The following YAF2 variants were observed in gnomAD, a reference collection of about 807,000 sequenced individuals.
The protein encoded by YAF2 is YY1-associated factor 2.
A neutral mutation model predicts 20.1 loss-of-function variants in YAF2; 7 were observed. The observed-to-expected ratio is 0.35, with a 90% confidence interval of 0.20 to 0.65. The LOEUF (loss-of-function observed/expected upper bound fraction) is 0.65. Among genes scored for constraint, YAF2 ranks in the 30% least tolerant of loss-of-function variants. The pLI is 0.69. For missense variants in YAF2, 151 were observed against 219.2 expected (o/e 0.69, Z 1.96); for synonymous variants, 74 against 76.0 (o/e 0.97, Z 0.14).
chr12:42,224,656 C>T (rs2067632310), intron 2 of YAF2, among the ~76,000 whole-genome samples: 1 of 152,052 alleles, frequency 6.6e-6, no homozygotes, highest in Non-Finnish European at 1.5e-5. Context: ...TGTTAGTGTG[C>T]TGTAAATGAT....
intron 2 of YAF2, among the ~76,000 whole-genome samples, chr12:42,197,375 T>C (rs1028994568): frequency 6.6e-6 from 1 of 152,226 alleles, no homozygotes; most frequent in Admixed American, 6.5e-5. Context: ...ATAGAATGTG[T>C]GATCACAGTG....
At chr12:42,235,682 G>A in intron 2 of YAF2, 37 of 1,529,748 alleles carry the variant, frequency 2.4e-5, no homozygotes, top group Non-Finnish European at 3.1e-5. Flanking sequence ...CAATCCAAAT[G>A]ACAATGCTTC....
At position 42,160,679 on chromosome 12, in the gene YAF2, G is replaced by A. The variant is rs375205559; in HGVS notation, c.453C>T (p.Ser151=). 30 of 1,613,764 alleles carry A rather than the reference G, an allele frequency of 1.9e-5. No homozygotes were observed. Among genetic ancestry groups the A allele is most frequent in the East Asian group, 1.3e-4 (6 of 44,874 alleles). The part of the protein sequence containing the change: ...SAASADQHSQ[S]GSSSDNTERG... ...TCTCTGTGTTATCAGAGCTAGAGCC[G>A]CTTTGACTGTGTTGATCTGCAGAAG... Residue 151 remains serine, a synonymous_variant, in exon 4 of 4, where the codon AGC becomes AGT. Transcript: ENST00000534854.
At chr12:42,198,224 T>A (rs1164209054) in intron 2 of YAF2, among the ~76,000 whole-genome samples, 2 of 152,154 alleles carry the variant, frequency 1.3e-5, no homozygotes, top group Non-Finnish European at 2.9e-5. Flanking sequence ...ATAATTATAA[T>A]CCTACCTACT....
chr12:42,182,137 A>G (rs981877889), intron 2 of YAF2, among the ~76,000 whole-genome samples: 7 of 152,120 alleles, frequency 4.6e-5, no homozygotes, highest in Non-Finnish European at 1.0e-4. Context: ...AGAAGGTTAA[A>G]ACTACAAAAG....
chr12:42,203,848 C>T (rs2066966229), intron 2 of YAF2, among the ~76,000 whole-genome samples: 1 of 152,038 alleles, frequency 6.6e-6, no homozygotes, highest in Non-Finnish European at 1.5e-5. Flanking sequence ...TTTTTCTGTT[C>T]TCTGAGTCAA....
At chr12:42,227,809 C>G (rs1292716942) in intron 2 of YAF2, among the ~76,000 whole-genome samples, 1 of 147,138 alleles carries the variant, frequency 6.8e-6, no homozygotes, top group East Asian at 2.1e-4. Context: ...GGGGTCAGCC[C>G]CCCGCCTGGC....
At chr12:42,195,424 A>G (rs569677340) in intron 2 of YAF2, among the ~76,000 whole-genome samples, 9 of 152,362 alleles carry the variant, frequency 5.9e-5, no homozygotes, top group Admixed American at 5.9e-4. Flanking sequence ...TCTAAAAAGT[A>G]TTACCAGAAT....
chr12:42,195,725 G>T (rs1183403616), intron 2 of YAF2, among the ~76,000 whole-genome samples: 1 of 152,222 alleles, frequency 6.6e-6, no homozygotes, highest in Admixed American at 6.5e-5. Context: ...ACACTGTAGA[G>T]AATAGACCAT....
At chr12:42,236,025 G>C (rs751751815) in intron 2 of YAF2, 1 of 1,534,448 alleles carries the variant, frequency 6.5e-7, no homozygotes, top group South Asian at 1.2e-5. Context: ...GGCTCTTCTA[G>C]TTTCAGTATT....
Position 42,157,823 on chromosome 12 carries a change from C to T in YAF2, c.*2766G>A, listed in dbSNP as rs1465109058. The T allele has an allele frequency of 1.3e-5, 2 of 151,680 alleles. No individual in the cohort carries two copies. The highest frequency in any genetic ancestry group is 2.9e-5 in the Non-Finnish European group (2 of 67,938). 9.4% of individuals were successfully genotyped at this position (151,680 alleles called of 1,614,324 possible). A position where few individuals can be genotyped will look rare whatever the true frequency, so the allele number is the denominator to read the frequency against. On this transcript the variant is annotated 3_prime_UTR_variant, in exon 4 of 4. Coordinates refer to ENST00000534854, the MANE Select transcript of YAF2 (RefSeq NM_005748.6). ...ATTCAAATTTTTTCATAGAGATGAG[C>T]TTTCACCATGTTGCCCAGGCTGGTC...
intron 2 of YAF2, among the ~76,000 whole-genome samples, chr12:42,164,907 A>C (rs1191198091): frequency 6.6e-6 from 1 of 151,518 alleles, no homozygotes; most frequent in Non-Finnish European, 1.5e-5. Flanking sequence ...CCATCTCTAC[A>C]AAAAAAATAC....
chr12:42,238,242 G>C lies in YAF2; in HGVS notation c.-62C>G. On this transcript the variant is annotated 5_prime_UTR_variant, in exon 1 of 4. Transcript: ENST00000534854. ...CGACCGCTCTGTTTGTCAATAAGGA[G>C]GATAATAAGCCGGGCGGAAGCGGGC... is the stretch of plus-strand genomic sequence containing the variant. The C allele has an allele frequency of 8.5e-7, 1 of 1,175,530 alleles. No homozygotes were observed. Among genetic ancestry groups the C allele is most frequent in the Non-Finnish European group, 1.1e-6 (1 of 907,444 alleles). 72.8% of individuals were successfully genotyped at this position (1,175,530 alleles called of 1,614,324 possible).
chr12:42,170,426 A>G (rs2066017393), intron 2 of YAF2, among the ~76,000 whole-genome samples: 1 of 152,228 alleles, frequency 6.6e-6, no homozygotes, highest in Non-Finnish European at 1.5e-5. Flanking sequence ...TAATGATAAC[A>G]AAGAATACTT....
rs753594303 is a variant in YAF2, at chr12:42,159,732, A to G, written c.*857T>C. ...ACAATGATAAAACTATCATTAAGTT[A>G]AAGCTTTTCTAAAATTGCAGCTTGT... On this transcript the variant is annotated 3_prime_UTR_variant, in exon 4 of 4. Coordinates refer to ENST00000534854, the MANE Select transcript of YAF2 (RefSeq NM_005748.6). The G allele has an allele frequency of 6.6e-6, 1 of 152,538 alleles. No homozygotes were observed. The highest frequency in any genetic ancestry group is 1.5e-5 in the Non-Finnish European group (1 of 67,968). 9.4% of individuals were successfully genotyped at this position (152,538 alleles called of 1,614,324 possible). A position where few individuals can be genotyped will look rare whatever the true frequency, so the allele number is the denominator to read the frequency against.
chr12:42,158,302 C>A lies in YAF2; in HGVS notation c.*2287G>T, dbSNP rs1239313622. Reference sequence around the variant, plus strand: ...GTCTTTCTGCATCCAGAGAAAACATCTGATATTACACTGAAAATTTAGTGA... The same window carrying A: ...GTCTTTCTGCATCCAGAGAAAACATATGATATTACACTGAAAATTTAGTGA... On this transcript the variant is annotated 3_prime_UTR_variant, in exon 4 of 4. Coordinates refer to ENST00000534854, the MANE Select transcript of YAF2 (RefSeq NM_005748.6). 6.6e-6 allele frequency: 1 copy of A among 152,182 alleles called. No individual in the cohort carries two copies. Among genetic ancestry groups the A allele is most frequent in the Admixed American group, 6.5e-5 (1 of 15,272 alleles). 9.4% of individuals were successfully genotyped at this position (152,182 alleles called of 1,614,324 possible). A position where few individuals can be genotyped will look rare whatever the true frequency, so the allele number is the denominator to read the frequency against.
chr12:42,231,963 A>T (rs1301357458), intron 2 of YAF2: 1 of 152,240 alleles, frequency 6.6e-6, no homozygotes, highest in Non-Finnish European at 1.5e-5. Flanking sequence ...TCTTTCAAGT[A>T]AAAATGATGC....
chr12:42,199,397 T>A (rs972984085), intron 2 of YAF2: 1 of 271,708 alleles, frequency 3.7e-6, no homozygotes, highest in Non-Finnish European at 7.0e-6. Flanking sequence ...TTGTTCACTA[T>A]GATTTATTCA....
intron 2 of YAF2, among the ~76,000 whole-genome samples, chr12:42,219,724 T>C (rs550520922): frequency 6.6e-6 from 1 of 152,244 alleles, no homozygotes; most frequent in African/African-American, 2.4e-5. Flanking sequence ...CATTATCTTA[T>C]CCAGAAAAAA....
Sources: gnomAD v4.1 joint callset for allele counts (sites outside exome capture counted in the v4.1 genomes callset) on GRCh38, gnomAD v4.1.1 for gene constraint, MANE v1.5 for transcripts, NCBI Gene and HGNC (gene_info 2026-07-23, HGNC 2026-07-21) for gene names.